ELAPOR2: variants seen among roughly 807,000 people sequenced by gnomAD.
The protein encoded by ELAPOR2 is endosome-lysosome associated apoptosis and autophagy regulator family member 2, also known as endosome/lysosome-associated apoptosis and autophagy regulator family member 2.
A neutral mutation model predicts 120.7 loss-of-function variants in ELAPOR2; 89 were observed. The observed-to-expected ratio is 0.74, with a 90% CI of 0.62 to 0.88. ELAPOR2 has a LOEUF of 0.88. ELAPOR2 is among the 40% of genes least tolerant of loss of function. The pLI is 0.00. For missense variants in ELAPOR2, 1,134 were observed against 1,251.6 expected (o/e 0.91, Z 1.42); for synonymous variants, 444 against 444.9 (o/e 1.00, Z 0.03).
intron 2 of ELAPOR2, among the ~76,000 whole-genome samples, chr7:86,959,027 C>T (rs927197675): frequency 9.6e-6 from 1 of 104,644 alleles, no homozygotes; most frequent in Non-Finnish European, 1.9e-5. Context: ...TTTCAGTGTA[C>T]AAGTCTGTCA....
chr7:86,966,090 T>C (rs1318141288), intron 1 of ELAPOR2: 1 of 299,450 alleles, frequency 3.3e-6, no homozygotes, highest in Admixed American at 6.5e-5. Flanking sequence ...TCCCTCAATG[T>C]ATCTTGCTTC....
intron 1 of ELAPOR2, among the ~76,000 whole-genome samples, chr7:87,056,606 G>A (rs901970529): frequency 6.6e-6 from 1 of 151,970 alleles, no homozygotes; most frequent in South Asian, 2.1e-4. Context: ...TCCCCCTTTC[G>A]ACTTCATAAT....
intron 1 of ELAPOR2, among the ~76,000 whole-genome samples, chr7:86,999,940 G>C (rs1793256709): frequency 6.6e-6 from 1 of 152,044 alleles, no homozygotes; most frequent in African/African-American, 2.4e-5. Context: ...TCAACACCTA[G>C]AAAAGATGAT....
intron 1 of ELAPOR2, among the ~76,000 whole-genome samples, chr7:86,977,115 T>G (rs1339356311): frequency 2.0e-5 from 3 of 152,246 alleles, no homozygotes; most frequent in African/African-American, 7.2e-5. Context: ...GTGGTGGTGA[T>G]GATAGCTGCC....
chr7:86,964,150 C>T (rs1363746502), intron 2 of ELAPOR2, among the ~76,000 whole-genome samples: 3 of 152,114 alleles, frequency 2.0e-5, no homozygotes, highest in African/African-American at 7.2e-5. Flanking sequence ...TGGAAGACTG[C>T]AGGAAAACCC....
intron 21 of ELAPOR2, among the ~76,000 whole-genome samples, chr7:86,890,260 G>T (rs1788083604): frequency 6.6e-6 from 1 of 151,816 alleles, no homozygotes; most frequent in South Asian, 2.1e-4. Context: ...TCTTTGTATA[G>T]AAAATTTCCT....
At chr7:86,894,286 G>A (rs1788333894) in intron 19 of ELAPOR2, among the ~76,000 whole-genome samples, 1 of 151,870 alleles carries the variant, frequency 6.6e-6, no homozygotes, top group Non-Finnish European at 1.5e-5. Context: ...TTTTTAAGTG[G>A]GTCACATTAT....
At chr7:86,915,528 A>C (rs1046527354) in intron 12 of ELAPOR2, among the ~76,000 whole-genome samples, 1 of 152,014 alleles carries the variant, frequency 6.6e-6, no homozygotes, top group African/African-American at 2.4e-5. Flanking sequence ...TGCTGTCATT[A>C]ACATGACTGG....
rs548196556 is a variant in ELAPOR2 at position 87,008,367 on chromosome 7, C to T, written c.190-43343G>A. Among the ~76,000 whole-genome samples the T allele has an allele frequency of 2.6e-5, 4 of 152,078 alleles. No individual in the cohort carries two copies. In the East Asian group the frequency reaches 5.8e-4, roughly 22 times the overall value. ...GCTAAAGAGACATGATAAAGAAATG[C>T]AATGTGAGATCTTAGGCTGCATCCT... On this transcript the variant is annotated intron_variant, in intron 1 of 21. Coordinates refer to ENST00000450689, the MANE Select transcript of ELAPOR2 (RefSeq NM_001142749.3).
chr7:86,916,571 TTAAACTC>T (rs1340932438), intron 12 of ELAPOR2, among the ~76,000 whole-genome samples: 5 of 152,180 alleles, frequency 3.3e-5, no homozygotes, highest in African/African-American at 1.2e-4. Flanking sequence ...CTGTTGGTTC[TTAAACTC>T]TAAAGTATTT....
intron 1 of ELAPOR2, among the ~76,000 whole-genome samples, chr7:87,029,222 G>T (rs1003893853): frequency 1.3e-5 from 2 of 152,138 alleles, no homozygotes; most frequent in African/African-American, 2.4e-5. Context: ...TAGGCCAGGG[G>T]TAAACATAAA....
chr7:87,014,657 A>C (rs1414237953), intron 1 of ELAPOR2, among the ~76,000 whole-genome samples: 1 of 152,244 alleles, frequency 6.6e-6, no homozygotes, highest in Non-Finnish European at 1.5e-5. Context: ...ATATGAGTGC[A>C]TATTTTAAAA....
rs933561378 is a variant in ELAPOR2, at chr7:86,877,511, C to T, written c.*2960G>A. 2.6e-5 allele frequency: 4 copies of T among 152,184 alleles called. No individual in the cohort carries two copies. Among genetic ancestry groups the T allele is most frequent in the Admixed American group, 1.3e-4 (2 of 15,268 alleles). The allele number at this position is 152,184 out of a possible 1,614,324, so 9.4% of individuals were successfully genotyped here. A position where few individuals can be genotyped will look rare whatever the true frequency, so the allele number is the denominator to read the frequency against. On this transcript the variant is annotated 3_prime_UTR_variant, in exon 22 of 22. Transcript: ENST00000450689. The stretch of plus-strand genomic sequence containing the variant: ...ACGTGAGCAGTACACTCACTTTAAA[C>T]ATGGCTAATGAAGTCATCCTCTCAC...
chr7:86,921,509 C>T (rs917076510), intron 10 of ELAPOR2, among the ~76,000 whole-genome samples: 3 of 152,024 alleles, frequency 2.0e-5, no homozygotes, highest in Admixed American at 6.6e-5. Flanking sequence ...AGGGATATTC[C>T]CCTAAAGGCT....
chr7:86,952,006 A>G (rs1791271888), intron 2 of ELAPOR2, among the ~76,000 whole-genome samples: 1 of 152,200 alleles, frequency 6.6e-6, no homozygotes, highest in Non-Finnish European at 1.5e-5. Flanking sequence ...AAAAATAACT[A>G]AAATGCTAAA....
At chr7:86,998,354 G>A (rs997829095) in intron 1 of ELAPOR2, among the ~76,000 whole-genome samples, 17 of 152,098 alleles carry the variant, frequency 1.1e-4, no homozygotes, top group African/African-American at 3.9e-4. Flanking sequence ...TTAAAAAATG[G>A]TGAACGATTA....
intron 1 of ELAPOR2, among the ~76,000 whole-genome samples, chr7:87,004,611 C>T (rs1562964476): frequency 6.6e-6 from 1 of 152,096 alleles, no homozygotes. Context: ...TCTTGCTCAG[C>T]TGTGGTGGAT....
intron 1 of ELAPOR2, among the ~76,000 whole-genome samples, chr7:87,019,851 A>G (rs1793983304): frequency 6.6e-6 from 1 of 152,226 alleles, no homozygotes; most frequent in Non-Finnish European, 1.5e-5. Flanking sequence ...TGCACTTAAT[A>G]TAGAAGTCAA....
At position 86,879,647 on chromosome 7, in the gene ELAPOR2, CA is replaced by C. The variant is rs1489057162; in HGVS notation, c.*823del. 1 of 152,154 alleles carries C rather than the reference CA, an allele frequency of 6.6e-6. No homozygotes were observed. The highest frequency in any genetic ancestry group is 1.5e-5 in the Non-Finnish European group (1 of 68,018). 9.4% of individuals were successfully genotyped at this position (152,154 alleles called of 1,614,324 possible). A position where few individuals can be genotyped will look rare whatever the true frequency, so the allele number is the denominator to read the frequency against. ...ATGATTTTGCCAGTGATTTGATTGACAAGCTTTCCTATTTACTTTAATTATA... is the reference window on the plus strand; with the variant it reads ...ATGATTTTGCCAGTGATTTGATTGACAGCTTTCCTATTTACTTTAATTATA... On this transcript the variant is annotated 3_prime_UTR_variant, in exon 22 of 22. Transcript: ENST00000450689.
Sources: allele counts gnomAD v4.1 joint callset (sites outside exome capture counted in the v4.1 genomes callset), GRCh38; gene constraint gnomAD v4.1.1; transcripts MANE v1.5; gene names NCBI Gene and HGNC (gene_info 2026-07-23, HGNC 2026-07-21).